The following ALB variants were observed in gnomAD, a reference collection of about 807,000 sequenced individuals.
The protein encoded by ALB is albumin, also known as serum albumin.
A neutral mutation model predicts 74.5 loss-of-function variants in ALB; 37 were observed. The ratio of observed to expected loss-of-function variants is 0.50; its 90% confidence interval spans 0.38 to 0.65. The LOEUF is 0.65. Ranked by LOEUF, ALB falls within the 30% of genes least tolerant of loss-of-function variation. The pLI is 0.00. For synonymous variants in ALB, 249 were observed against 251.6 expected, an observed-to-expected ratio of 0.99 and a Z score of 0.10; for missense variants, 685 against 718.7, an observed-to-expected ratio of 0.95 and a Z score of 0.54.
chr4:73,419,580 G>C lies in ALB; in HGVS notation c.1726G>C (p.Ala576Pro), dbSNP rs200401551. The C allele has an allele frequency of 1.2e-6, 2 of 1,613,632 alleles. No homozygotes were observed. Among genetic ancestry groups the C allele is most frequent in the Non-Finnish European group, 1.7e-6 (2 of 1,179,914 alleles). ...EQLKAVMDDF[A>P]AFVEKCCKAD... ...ACTGAAAGCTGTTATGGATGATTTC[G>C]CAGCTTTTGTAGAGAAGTGCTGCAA... Residue 576 changes from alanine (A) to proline (P), a missense_variant, in exon 13 of 15, where the codon GCA becomes CCA. Physicochemically the swap from Ala to Pro is conservative, Grantham distance 27. Transcript: ENST00000295897.
rs1374449054 is a variant in ALB at position 73,406,614 on chromosome 4, C to T, written c.138-15C>T. ...AGTTTTATTATACTACATTTTTCTA[C>T]ATCCTTTGTTTCAGGGTGTTGATTG... On this transcript the variant is annotated splice_polypyrimidine_tract_variant and intron_variant, in intron 2 of 14. Coordinates refer to ENST00000295897, the MANE Select transcript of ALB (RefSeq NM_000477.7). 1.2e-6 allele frequency: 2 copies of T among 1,612,940 alleles called. No individual in the cohort carries two copies. Among genetic ancestry groups the T allele is most frequent in the African/African-American group, 1.3e-5 (1 of 74,914 alleles).
chr4:73,409,178 C>A, intron 4 of ALB, 177 bp from the exon 5 acceptor site: 12 of 687,490 alleles, frequency 1.7e-5, no homozygotes, highest in Non-Finnish European at 2.2e-5. Context: ...CACACTTAAC[C>A]CTTTTTTCCA....
In ALB at chr4:73,415,041, G is replaced by A. The variant is rs778384979; in HGVS notation, c.1065G>A (p.Leu355=). ...TTATTTTCATCTTAATTAGGTTTTT[G>A]TATGAATATGCAAGAAGGCATCCTG... is the stretch of plus-strand genomic sequence containing the variant. ...EAKDVFLGMF[L]YEYARRHPDY... is the part of the protein sequence containing the mutation. The change falls in exon 9 of 15, where the codon TTG becomes TTA. Residue 355 remains leucine (L), a synonymous_variant. Transcript: ENST00000295897. 19 of 1,614,000 alleles carry A rather than the reference G, an allele frequency of 1.2e-5. No individual in the cohort carries two copies. In the East Asian group the frequency reaches 2.0e-4, roughly 17 times the overall value.
rs754004302 is a variant in ALB at position 73,413,492 on chromosome 4, C to A, written c.916C>A (p.Pro306Thr). ...TAAACTGAAGGAATGCTGTGAAAAA[C>A]CTCTGTTGGAAAAATCCCACTGCAT... The part of the protein sequence containing the change: ...SSKLKECCEK[P>T]LLEKSHCIAE... The change falls in exon 8 of 15, where the codon CCT becomes ACT. Residue 306 changes from proline to threonine, a missense_variant. Pro to Thr is a conservative substitution (Grantham distance 38). Coordinates refer to ENST00000295897, the MANE Select transcript of ALB (RefSeq NM_000477.7). 6.2e-7 allele frequency: 1 copy of A among 1,614,122 alleles called. No homozygotes were observed. The highest frequency in any genetic ancestry group is 8.5e-7 in the Non-Finnish European group (1 of 1,180,008).
rs535513305 is a variant in ALB at position 73,420,344 on chromosome 4, A to T, written c.*23+23A>T. The T allele has an allele frequency of 9.0e-5, 134 of 1,480,734 alleles. 1 individual carries two copies. Among genetic ancestry groups the T allele is most frequent in the South Asian group, 1.4e-4 (12 of 85,418 alleles). The allele number at this position is 1,480,734 out of a possible 1,614,324, so 91.7% of individuals were successfully genotyped here. A position where few individuals can be genotyped will look rare whatever the true frequency, so the allele number is the denominator to read the frequency against. On this transcript the variant is annotated intron_variant, in intron 14 of 14. Coordinates refer to ENST00000295897, the MANE Select transcript of ALB (RefSeq NM_000477.7). ...CAGGTAACTATATTTTGAATTTTTT[A>T]AAAAAGTAACTATAATAGTTATTAT...
chr4:73,412,488 C>T (rs1301849103), intron 7 of ALB, among the ~76,000 whole-genome samples: 1 of 152,120 alleles, frequency 6.6e-6, no homozygotes, highest in African/African-American at 2.4e-5. Flanking sequence ...TCTTGTTTCC[C>T]AGGCTGGGGT....
At chr4:73,419,307 G>A (rs1719089319) in intron 12 of ALB, 200 bp from the exon 13 acceptor site, 2 of 597,666 alleles carry the variant, frequency 3.3e-6, no homozygotes, top group Admixed American at 3.0e-5. Context: ...CTCCATGAAA[G>A]TGGATTTTAT....
intron 12 of ALB, 49 bp from the exon 13 acceptor site, chr4:73,419,458 G>T: frequency 6.3e-7 from 1 of 1,577,044 alleles, no homozygotes; most frequent in South Asian, 1.1e-5. Context: ...TTCTATACGT[G>T]AGTAATGTTT....
chr4:73,409,424 G>A lies in ALB; in HGVS notation c.552G>A (p.Arg184=), dbSNP rs753127959. ...CGGAACTCCTTTTCTTTGCTAAAAG[G>A]TATAAAGCTGCTTTTACAGAATGTT... is the stretch of plus-strand genomic sequence containing the variant. ...YAPELLFFAK[R]YKAAFTECCQ... The change falls in exon 5 of 15, where the codon AGG becomes AGA. Residue 184 remains arginine (R), a synonymous_variant. Transcript: ENST00000295897. 8.7e-6 allele frequency: 14 copies of A among 1,613,804 alleles called. No individual in the cohort carries two copies. The highest frequency in any genetic ancestry group is 1.2e-5 in the Non-Finnish European group (14 of 1,179,886).
chr4:73,417,763 GTGTGTGTGTGCATGTTTGTGTGCA>G, intron 11 of ALB, 94 bp downstream of exon 11: 7 of 1,153,242 alleles, frequency 6.1e-6, no homozygotes, highest in Non-Finnish European at 8.5e-6. Context: ...AGGAAGTAAT[GTGTGTGTGTGCATGTTTGTGTGCA>G]TGTGTGTGTG....
intron 4 of ALB, 60 bp from the exon 5 acceptor site, chr4:73,409,295 A>T (rs771718918): frequency 6.4e-7 from 1 of 1,565,940 alleles, no homozygotes; most frequent in East Asian, 2.2e-5. Flanking sequence ...GTCGATTACA[A>T]TTATTTCTGT....
intron 3 of ALB, 92 bp from the exon 4 acceptor site, chr4:73,408,502 C>A: frequency 8.7e-7 from 1 of 1,151,848 alleles, no homozygotes; most frequent in Non-Finnish European, 1.3e-6. Flanking sequence ...CCTGACCAAG[C>A]TTAACCAGTA....
chr4:73,413,499 T>G lies in ALB; in HGVS notation c.923T>G (p.Leu308Trp). The G allele has an allele frequency of 6.2e-7, 1 of 1,614,184 alleles. No individual in the cohort carries two copies. ...KLKECCEKPLLEKSHCIAEVE... is the reference protein window; with the variant it reads ...KLKECCEKPLWEKSHCIAEVE... Reference sequence around the variant, plus strand: ...AAGGAATGCTGTGAAAAACCTCTGTTGGAAAAATCCCACTGCATTGCCGAA... The same window carrying G: ...AAGGAATGCTGTGAAAAACCTCTGTGGGAAAAATCCCACTGCATTGCCGAA... The change falls in exon 8 of 15, where the codon TTG becomes TGG. Residue 308 changes from leucine to tryptophan, a missense_variant. Coordinates refer to ENST00000295897, the MANE Select transcript of ALB (RefSeq NM_000477.7).
At position 73,420,247 on chromosome 4, in the gene ALB, T is replaced by C; in HGVS notation, c.1786-7T>C. On this transcript the variant is annotated splice_polypyrimidine_tract_variant and splice_region_variant and intron_variant, in intron 13 of 14. Transcript: ENST00000295897. ...TTTCCTAACATCTGTCATGTCTTTG[T>C]GTTCAGGGTAAAAAACTTGTTGCTG... The C allele has an allele frequency of 1.2e-6, 2 of 1,611,784 alleles. No individual in the cohort carries two copies. The highest frequency in any genetic ancestry group is 1.7e-6 in the Non-Finnish European group (2 of 1,178,182).
chr4:73,419,496 T>C lies in ALB; in HGVS notation c.1653-11T>C. ...TCTGTTTTTTTTTTTTCTTTTTCCATTCAAACTCAGTGCACTTGTTGAGCT... is the reference window on the plus strand; with the variant it reads ...TCTGTTTTTTTTTTTTCTTTTTCCACTCAAACTCAGTGCACTTGTTGAGCT... On this transcript the variant is annotated splice_polypyrimidine_tract_variant and intron_variant, in intron 12 of 14. Coordinates refer to ENST00000295897, the MANE Select transcript of ALB (RefSeq NM_000477.7). 2 of 1,610,898 alleles carry C rather than the reference T, an allele frequency of 1.2e-6. No individual in the cohort carries two copies. The highest frequency in any genetic ancestry group is 1.7e-6 in the Non-Finnish European group (2 of 1,178,654).
chr4:73,412,910 A>G (rs1437170628), intron 7 of ALB, among the ~76,000 whole-genome samples: 1 of 152,074 alleles, frequency 6.6e-6, no homozygotes, highest in African/African-American at 2.4e-5. Flanking sequence ...AACTTATAAT[A>G]TTTTCTTTCT....
At position 73,418,176 on chromosome 4, in the gene ALB, T is replaced by C. The variant is rs571711778; in HGVS notation, c.1517T>C (p.Val506Ala). 56 of 1,614,200 alleles carry C rather than the reference T, an allele frequency of 3.5e-5. No individual in the cohort carries two copies. Among genetic ancestry groups the C allele is most frequent in the Non-Finnish European group, 4.6e-5 (54 of 1,180,034 alleles). The change falls in exon 12 of 15, where the codon GTG (valine) becomes GCG (alanine). Residue 506 changes from valine to alanine, a missense_variant. Val to Ala is a moderately conservative substitution (Grantham distance 64). Coordinates refer to ENST00000295897, the MANE Select transcript of ALB (RefSeq NM_000477.7). The stretch of plus-strand genomic sequence containing the variant: ...ACCAAATGCTGCACAGAATCCTTGG[T>C]GAACAGGCGACCATGCTTTTCAGCT... ...RVTKCCTESL[V>A]NRRPCFSALE...
chr4:73,409,297 T>G, intron 4 of ALB, 58 bp from the exon 5 acceptor site: 1 of 1,566,404 alleles, frequency 6.4e-7, no homozygotes, highest in Non-Finnish European at 8.8e-7. Context: ...CGATTACAAT[T>G]ATTTCTGTAA....
chr4:73,414,457 C>T (rs527740948), intron 8 of ALB, among the ~76,000 whole-genome samples: 27 of 152,194 alleles, frequency 1.8e-4, no homozygotes, highest in Middle Eastern at 3.4e-3. Context: ...ATCCACCTTC[C>T]GAGACAGATA....
Sources: gnomAD v4.1 joint callset for allele counts (sites outside exome capture counted in the v4.1 genomes callset) on GRCh38, gnomAD v4.1.1 for gene constraint, MANE v1.5 for transcripts, NCBI Gene and HGNC (gene_info 2026-07-23, HGNC 2026-07-21) for gene names.